The following TBCA variants were observed in gnomAD, a reference collection of about 807,000 sequenced individuals.
The protein encoded by TBCA is tubulin folding cofactor A.
Under a neutral mutation model 15.8 loss-of-function variants are expected in TBCA, and 6 were observed. The ratio of observed to expected loss-of-function variants is 0.38; its 90% CI spans 0.21 to 0.75. The LOEUF (loss-of-function observed/expected upper bound fraction) is 0.75, where lower values mean the gene tolerates loss of function less well. Among genes scored for constraint, TBCA ranks in the 30% least tolerant of loss-of-function variants. The pLI is 0.46. For missense variants in TBCA, 90 were observed against 131.2 expected, an observed-to-expected ratio of 0.69 and a Z score of 1.53; for synonymous variants, 32 against 42.3, an observed-to-expected ratio of 0.76 and a Z score of 0.94.
At position 77,692,272 on chromosome 5, in the gene TBCA, C is replaced by A. The variant is rs1045890798; in HGVS notation, c.247-774G>T. 1.2e-5 allele frequency: 12 copies of A among 985,202 alleles called. No individual in the cohort carries two copies. In the African/African-American group the frequency reaches 1.9e-4, roughly 16 times the overall value. The allele number at this position is 985,202 out of a possible 1,614,324, so 61.0% of individuals were successfully genotyped here. A position where few individuals can be genotyped will look rare whatever the true frequency, so the allele number is the denominator to read the frequency against. On this transcript the variant is annotated intron_variant, in intron 3 of 3. Transcript: ENST00000380377. ...GTGTATTTAATATGAAAACTGAAAGCAAAACGACTGAGAATTTGCTTAGCT... is the reference window on the plus strand; with the variant it reads ...GTGTATTTAATATGAAAACTGAAAGAAAAACGACTGAGAATTTGCTTAGCT...
intron 2 of TBCA, chr5:77,693,708 A>T (rs954259597): frequency 9.4e-6 from 2 of 211,902 alleles, no homozygotes; most frequent in African/African-American, 4.8e-5. Context: ...CTGAGGCAGG[A>T]GAATCGCTTG....
chr5:77,760,620 G>A (rs1482697261), intron 1 of TBCA, among the ~76,000 whole-genome samples: 1 of 152,134 alleles, frequency 6.6e-6, no homozygotes, highest in African/African-American at 2.4e-5. Context: ...ACGGGGTTTC[G>A]CCGTGTTGGC....
Position 77,749,385 on chromosome 5 carries a change from T to C in TBCA, c.53+26820A>G, listed in dbSNP as rs1747262380. ...TCAACCACAAATTATGCTATGCATG[T>C]TCTGTGTTTATATGTTTTGATAAAT... On this transcript the variant is annotated intron_variant, in intron 1 of 3. Coordinates refer to ENST00000380377, the MANE Select transcript of TBCA (RefSeq NM_004607.3). 3.3e-5 allele frequency among the ~76,000 whole-genome samples: 5 copies of C among 152,264 alleles called. No homozygotes were observed. The South Asian group carries it at 8.3e-4, about 25-fold the overall frequency.
chr5:77,766,056 T>C (rs1483648712), intron 1 of TBCA, among the ~76,000 whole-genome samples: 1 of 152,178 alleles, frequency 6.6e-6, no homozygotes, highest in Non-Finnish European at 1.5e-5. Context: ...TTTGCTCTTT[T>C]GTTTCCCTGA....
intron 3 of TBCA, chr5:77,692,106 AATG>A: frequency 2.0e-6 from 2 of 982,538 alleles, no homozygotes; most frequent in South Asian, 9.4e-5. Flanking sequence ...AATATATTGT[AATG>A]ATAACAGACA....
chr5:77,775,165 T>G lies in TBCA; in HGVS notation c.53+1040A>C, dbSNP rs1747992573. 3.9e-5 allele frequency among the ~76,000 whole-genome samples: 6 copies of G among 152,158 alleles called. No individual in the cohort carries two copies. In the South Asian group the frequency reaches 1.2e-3, roughly 32 times the overall value. On this transcript the variant is annotated intron_variant, in intron 1 of 3. Coordinates refer to ENST00000380377, the MANE Select transcript of TBCA (RefSeq NM_004607.3). ...ACTCAAAGTCACCCCTCTACCCACC[T>G]GAGACAAATGCGTAACTGACTGCTT... is the stretch of plus-strand genomic sequence containing the variant.
At chr5:77,693,976 AT>A (rs1745816858) in intron 2 of TBCA, among the ~76,000 whole-genome samples, 1 of 152,124 alleles carries the variant, frequency 6.6e-6, no homozygotes, top group Non-Finnish European at 1.5e-5. Context: ...AAAATAAACT[AT>A]TTCCCCTGCT....
intron 1 of TBCA, among the ~76,000 whole-genome samples, chr5:77,753,904 A>G (rs1485858188): frequency 6.6e-6 from 1 of 152,040 alleles, no homozygotes; most frequent in African/African-American, 2.4e-5. Context: ...GATTACAGGC[A>G]TGCACCACCA....
At chr5:77,722,969 C>G (rs1746558348) in intron 1 of TBCA, among the ~76,000 whole-genome samples, 1 of 151,688 alleles carries the variant, frequency 6.6e-6, no homozygotes, top group Non-Finnish European at 1.5e-5. Flanking sequence ...AACATTATAA[C>G]TGTTCTATAA....
chr5:77,767,522 T>C (rs969695642), intron 1 of TBCA, among the ~76,000 whole-genome samples: 1 of 152,210 alleles, frequency 6.6e-6, no homozygotes, highest in Admixed American at 6.5e-5. Flanking sequence ...AACTTAATGA[T>C]AGTCCAATAA....
chr5:77,736,323 G>A (rs996436685), intron 1 of TBCA, among the ~76,000 whole-genome samples: 173 of 136,228 alleles, frequency 1.3e-3, no homozygotes, highest in Non-Finnish European at 2.0e-3. Flanking sequence ...GTGACAGAGC[G>A]AGACTCCGTC....
chr5:77,762,534 A>G (rs1331812211), intron 1 of TBCA, among the ~76,000 whole-genome samples: 1 of 152,240 alleles, frequency 6.6e-6, no homozygotes, highest in Non-Finnish European at 1.5e-5. Context: ...TAAAAACATT[A>G]TCAACAAATA....
chr5:77,752,260 C>T (rs763851648), intron 1 of TBCA, among the ~76,000 whole-genome samples: 7 of 152,090 alleles, frequency 4.6e-5, no homozygotes, highest in Admixed American at 1.3e-4. Context: ...TTGGTTTTAC[C>T]CTTCCCCCAC....
intron 3 of TBCA, chr5:77,692,987 C>T: frequency 7.4e-7 from 1 of 1,352,498 alleles, no homozygotes; most frequent in African/African-American, 1.5e-5. Flanking sequence ...ATAATCAAGA[C>T]ATTGCTGGAC....
chr5:77,749,047 T>C (rs546268169), intron 1 of TBCA, among the ~76,000 whole-genome samples: 1 of 152,362 alleles, frequency 6.6e-6, no homozygotes, highest in East Asian at 1.9e-4. Context: ...TGTAATGTCA[T>C]GACTTTTCTC....
intron 2 of TBCA, among the ~76,000 whole-genome samples, chr5:77,696,796 T>G (rs1011806652): frequency 4.6e-5 from 7 of 152,132 alleles, no homozygotes; most frequent in Non-Finnish European, 8.8e-5. Flanking sequence ...CACATGCCTC[T>G]AGTTCTAGCT....
chr5:77,750,903 G>C (rs1306447958), intron 1 of TBCA, among the ~76,000 whole-genome samples: 3 of 152,060 alleles, frequency 2.0e-5, no homozygotes, highest in South Asian at 4.2e-4. Context: ...CCAGGTCATC[G>C]GTAGATTTAA....
In TBCA at chr5:77,728,745, T is replaced by C. The variant is rs916416353; in HGVS notation, c.54-20398A>G. On this transcript the variant is annotated intron_variant, in intron 1 of 3. Transcript: ENST00000380377. ...TCAAATAAGAAAAAATTAACACTCA[T>C]GGAACTAAAGACTACGTCAGGTTGG... is the stretch of plus-strand genomic sequence containing the variant. Among the ~76,000 whole-genome samples, 5 of 152,274 alleles carry C rather than the reference T, an allele frequency of 3.3e-5. No homozygotes were observed. The South Asian group carries it at 8.3e-4, about 25-fold the overall frequency.
chr5:77,699,903 T>C (rs1745967553), intron 2 of TBCA, among the ~76,000 whole-genome samples: 1 of 151,644 alleles, frequency 6.6e-6, no homozygotes, highest in African/African-American at 2.4e-5. Flanking sequence ...CTGGGCATGG[T>C]GGCAGGCGCA....
Sources: allele counts gnomAD v4.1 joint callset (sites outside exome capture counted in the v4.1 genomes callset), GRCh38; gene constraint gnomAD v4.1.1; transcripts MANE v1.5; gene names NCBI Gene and HGNC (gene_info 2026-07-23, HGNC 2026-07-21).